SH3KBP1: variants seen among roughly 807,000 people sequenced by gnomAD.
The protein encoded by SH3KBP1 is SH3 domain containing kinase binding protein 1.
Under a neutral mutation model 50.1 loss-of-function variants are expected in SH3KBP1, and 8 were observed. The observed-to-expected ratio is 0.16, with a 90% CI of 0.09 to 0.29. The LOEUF (loss-of-function observed/expected upper bound fraction) is 0.29. SH3KBP1 is among the 10% of genes least tolerant of loss of function. The pLI is 1.00. For synonymous variants in SH3KBP1, 227 were observed against 218.6 expected (o/e 1.04, Z -0.34); for missense variants, 377 against 535.2 (o/e 0.70, Z 2.92).
intron 2 of SH3KBP1, among the ~76,000 whole-genome samples, chrX:19,785,158 G>C (rs1379244406): frequency 9.1e-6 from 1 of 110,376 alleles, no homozygotes; most frequent in Non-Finnish European, 1.9e-5. Context: ...TCTGGTGAGA[G>C]ACAAAATTCA....
chrX:19,538,866 C>T (rs1423396249), intron 16 of SH3KBP1, among the ~76,000 whole-genome samples: 1 of 112,258 alleles, frequency 8.9e-6, no homozygotes, highest in African/African-American at 3.2e-5. Flanking sequence ...GGATTACAGG[C>T]GTAAGCCACC....
chrX:19,540,775 G>C (rs1047432595), intron 16 of SH3KBP1, among the ~76,000 whole-genome samples: 3 of 111,965 alleles, frequency 2.7e-5, no homozygotes, highest in Non-Finnish European at 5.6e-5. Flanking sequence ...TGCTGGAGTA[G>C]TGTGCTCTTG....
Position 19,775,428 on chromosome X carries a change from C to T in SH3KBP1, c.163-28987G>A, listed in dbSNP as rs1329342276. ...AAGCCTTTTCTGGAAAGTCTTCCCC[C>T]ACATTTTCAACTATTGATTTAAACA... On this transcript the variant is annotated intron_variant, in intron 2 of 17. Transcript: ENST00000397821. 6.2e-5 allele frequency among the ~76,000 whole-genome samples: 7 copies of T among 112,168 alleles called. No individual in the cohort carries two copies. In the Admixed American group the frequency reaches 6.6e-4, roughly 11 times the overall value.
intron 8 of SH3KBP1, among the ~76,000 whole-genome samples, chrX:19,627,524 C>T (rs1370778250): frequency 8.9e-6 from 1 of 112,700 alleles, no homozygotes; most frequent in Non-Finnish European, 1.9e-5. Flanking sequence ...CAGGTGTGTT[C>T]TGCACGAGTG....
At chrX:19,803,181 T>C in intron 2 of SH3KBP1, among the ~76,000 whole-genome samples, 1 of 112,161 alleles carries the variant, frequency 8.9e-6, no homozygotes. Context: ...TCTCTCACCG[T>C]AGAAGCTTCA....
At chrX:19,760,397 A>AATACATACATACATAC (rs545437176) in intron 2 of SH3KBP1, among the ~76,000 whole-genome samples, 1 of 96,639 alleles carries the variant, frequency 1.0e-5, no homozygotes, top group Non-Finnish European at 2.0e-5. Flanking sequence ...AAAATAAATA[A>AATACATACATACATAC]ATACATACAT....
chrX:19,836,275 G>T lies in SH3KBP1; in HGVS notation c.12C>A (p.Ala4=). The change falls in exon 2 of 18, where the codon GCC becomes GCA. Residue 4 remains alanine, a synonymous_variant. Transcript: ENST00000397821. ...GGGCCTGGTAGTCAAACTCCACTAT[G>T]GCCTCCACTGGAAGGAACAGGGAAA... MVE[A]IVEFDYQAQH... is the part of the protein sequence containing the mutation. 8.3e-7 allele frequency: 1 copy of T among 1,208,246 alleles called. No individual in the cohort carries two copies. The highest frequency in any genetic ancestry group is 1.1e-6 in the Non-Finnish European group (1 of 893,208).
chrX:19,873,346 C>T (rs1382892242), intron 1 of SH3KBP1, among the ~76,000 whole-genome samples: 1 of 98,616 alleles, frequency 1.0e-5, no homozygotes, highest in Non-Finnish European at 2.0e-5. Context: ...ATATAAAATA[C>T]ATGTACATAT....
intron 1 of SH3KBP1, among the ~76,000 whole-genome samples, chrX:19,875,095 T>C (rs1159972750): frequency 1.8e-5 from 2 of 110,858 alleles, no homozygotes; most frequent in African/African-American, 6.6e-5. Flanking sequence ...TTTTTTACAA[T>C]GTCTACATCT....
intron 2 of SH3KBP1, among the ~76,000 whole-genome samples, chrX:19,813,209 CT>C (rs2067260518): frequency 9.1e-6 from 1 of 110,097 alleles, no homozygotes; most frequent in Non-Finnish European, 1.9e-5. Flanking sequence ...TAACTTGCAC[CT>C]TTGGAATCTG....
chrX:19,676,950 A>T (rs2148563084), intron 6 of SH3KBP1, among the ~76,000 whole-genome samples: 1 of 112,608 alleles, frequency 8.9e-6, no homozygotes, highest in Non-Finnish European at 1.9e-5. Flanking sequence ...CTAAGACAGG[A>T]AGACCATGGG....
intron 1 of SH3KBP1, among the ~76,000 whole-genome samples, chrX:19,850,797 T>A (rs1386306058): frequency 9.1e-6 from 1 of 110,122 alleles, no homozygotes; most frequent in Non-Finnish European, 1.9e-5. Context: ...TCCACAGGCA[T>A]CTCTATCTGT....
intron 1 of SH3KBP1, among the ~76,000 whole-genome samples, chrX:19,881,022 T>C (rs764733076): frequency 8.9e-5 from 10 of 111,933 alleles, no homozygotes; most frequent in Admixed American, 5.7e-4. Flanking sequence ...AGATTACACA[T>C]TTGTGCTGTT....
rs140955465 is a variant in SH3KBP1 at position 19,727,246 on chromosome X, G to A, written c.286+19072C>T. ...ACACTCACATTGTTGTGCAACTATC[G>A]CCAACATCCATCTCCAGAAGTCTTT... On this transcript the variant is annotated intron_variant, in intron 3 of 17. Coordinates refer to ENST00000397821, the MANE Select transcript of SH3KBP1 (RefSeq NM_031892.3). Among the ~76,000 whole-genome samples the A allele has an allele frequency of 5.4e-5, 6 of 111,881 alleles. No individual in the cohort carries two copies. The East Asian group carries it at 1.7e-3, about 31-fold the overall frequency.
At chrX:19,779,461 T>C (rs1472500247) in intron 2 of SH3KBP1, among the ~76,000 whole-genome samples, 1 of 107,206 alleles carries the variant, frequency 9.3e-6, no homozygotes, top group Non-Finnish European at 1.9e-5. Flanking sequence ...AGTTTTAGGG[T>C]ACATGTGCAC....
intron 13 of SH3KBP1, among the ~76,000 whole-genome samples, chrX:19,553,956 TATAATATATAATATATATTAAA>T (rs2065334860): frequency 1.5e-5 from 1 of 67,288 alleles, no homozygotes; most frequent in Non-Finnish European, 2.4e-5. Context: ...TATATTAAAA[TATAATATATAATATATATTAAA>T]ATATAATATA....
intron 2 of SH3KBP1, among the ~76,000 whole-genome samples, chrX:19,806,697 C>T (rs762946355): frequency 1.6e-4 from 18 of 111,608 alleles, no homozygotes; most frequent in Non-Finnish European, 2.3e-4. Flanking sequence ...GAAATTGGGA[C>T]GTTGCAACTA....
At chrX:19,874,042 C>A in intron 1 of SH3KBP1, among the ~76,000 whole-genome samples, 1 of 34,242 alleles carries the variant, frequency 2.9e-5, no homozygotes, top group African/African-American at 1.9e-4. Context: ...GAGTGAGAGT[C>A]CATCTCAAAA....
chrX:19,600,244 C>T (rs948092179), intron 9 of SH3KBP1, among the ~76,000 whole-genome samples: 4 of 109,895 alleles, frequency 3.6e-5, no homozygotes, highest in Non-Finnish European at 7.6e-5. Flanking sequence ...GTCAGTCCGG[C>T]GTGGTGGCGC....
Sources: gnomAD v4.1 joint callset for allele counts (sites outside exome capture counted in the v4.1 genomes callset) on GRCh38, gnomAD v4.1.1 for gene constraint, MANE v1.5 for transcripts, NCBI Gene and HGNC (gene_info 2026-07-23, HGNC 2026-07-21) for gene names.